Variants in HIPK2 observed in about 807,000 individuals in gnomAD.
HIPK2 encodes homeodomain-interacting protein kinase 2.
In HIPK2, 27 loss-of-function variants were observed where a neutral mutation model predicts 113.7. The observed-to-expected ratio is 0.24, with a 90% CI of 0.17 to 0.33. The LOEUF (loss-of-function observed/expected upper bound fraction) is 0.33. HIPK2 is among the 10% of genes least tolerant of loss of function. The pLI, the probability that HIPK2 is intolerant of heterozygous loss-of-function variation, is 1.00. For synonymous variants in HIPK2, 631 were observed against 642.2 expected (o/e 0.98, Z 0.26); for missense variants, 1,257 against 1,588.0 (o/e 0.79, Z 3.54).
chr7:139,724,849 T>G (rs1376987543), intron 1 of HIPK2, among the ~76,000 whole-genome samples: 1 of 151,984 alleles, frequency 6.6e-6, no homozygotes, highest in Non-Finnish European at 1.5e-5. Context: ...GCAGCACTAT[T>G]CACAATAGCA....
Position 139,563,146 on chromosome 7 carries a change from T to C in HIPK2, c.*9781A>G, listed in dbSNP as rs1797996129. The stretch of plus-strand genomic sequence containing the variant: ...GGGGTGGGGCGGGGCGGGGGTGTGC[T>C]CTCTGTTCCATTTGTTAGTTACAGG... On this transcript the variant is annotated 3_prime_UTR_variant, in exon 15 of 15. Transcript: ENST00000406875. 6.6e-6 allele frequency: 1 copy of C among 152,236 alleles called. No homozygotes were observed. The highest frequency in any genetic ancestry group is 1.5e-5 in the Non-Finnish European group (1 of 68,066). 9.4% of individuals were successfully genotyped at this position (152,236 alleles called of 1,614,324 possible).
intron 2 of HIPK2, among the ~76,000 whole-genome samples, chr7:139,642,646 GAC>G (rs1801067153): frequency 6.6e-6 from 1 of 152,178 alleles, no homozygotes; most frequent in Non-Finnish European, 1.5e-5. Context: ...TTCTTAAAAA[GAC>G]ACACAGCTTC....
At chr7:139,762,416 C>T (rs1796481374) in intron 1 of HIPK2, among the ~76,000 whole-genome samples, 1 of 152,196 alleles carries the variant, frequency 6.6e-6, no homozygotes, top group Non-Finnish European at 1.5e-5. Context: ...GAAAATGTTA[C>T]CAGCAAAGTT....
At chr7:139,576,880 T>A (rs2116493710) in intron 13 of HIPK2, among the ~76,000 whole-genome samples, 2 of 152,300 alleles carry the variant, frequency 1.3e-5, no homozygotes, top group Middle Eastern at 6.8e-3. Flanking sequence ...CCACCCCAGC[T>A]TGGGGAGTTC....
intron 2 of HIPK2, among the ~76,000 whole-genome samples, chr7:139,673,159 GA>G (rs1429033837): frequency 1.3e-5 from 2 of 148,828 alleles, no homozygotes; most frequent in Non-Finnish European, 3.0e-5. Context: ...AATTGTATTT[GA>G]AACCAAAAGA....
intron 2 of HIPK2, among the ~76,000 whole-genome samples, chr7:139,668,126 CAAAAA>C (rs35566561): frequency 1.8e-5 from 1 of 55,654 alleles, no homozygotes; most frequent in Non-Finnish European, 3.7e-5. Context: ...AACTCCATCT[CAAAAA>C]AAAAAAAAAA....
intron 1 of HIPK2, among the ~76,000 whole-genome samples, chr7:139,758,732 C>A (rs546221841): frequency 2.4e-4 from 37 of 152,260 alleles, no homozygotes; most frequent in African/African-American, 8.4e-4. Context: ...ATGGTTTCAT[C>A]CTGAAACCAC....
rs1266749874 is a variant in HIPK2 at position 139,564,460 on chromosome 7, C to G, written c.*8467G>C. ...GGTTATCTGTTCTCAATGACTCTTC[C>G]AAGATGTCAGAGAGAAGGCCTTGAA... On this transcript the variant is annotated 3_prime_UTR_variant, in exon 15 of 15. Transcript: ENST00000406875. The G allele has an allele frequency of 6.6e-6, 1 of 152,268 alleles. No homozygotes were observed. Among genetic ancestry groups the G allele is most frequent in the Non-Finnish European group, 1.5e-5 (1 of 68,108 alleles). 9.4% of individuals were successfully genotyped at this position (152,268 alleles called of 1,614,324 possible).
chr7:139,685,501 A>T (rs1483906748), intron 2 of HIPK2, among the ~76,000 whole-genome samples: 1 of 152,204 alleles, frequency 6.6e-6, no homozygotes, highest in Admixed American at 6.5e-5. Context: ...CGTCTATTGG[A>T]AGAAGATGCC....
Position 139,715,979 on chromosome 7 carries a change from G to A in HIPK2, c.1056C>T (p.His352=), listed in dbSNP as rs751614987. The change falls in exon 2 of 15, where the codon CAC becomes CAT. Residue 352 remains histidine, a synonymous_variant. Coordinates refer to ENST00000406875, the MANE Select transcript of HIPK2 (RefSeq NM_022740.5). The part of the protein sequence containing the change: ...VKVIDFGSAS[H]VSKAVCSTYL... ...AGGTGGAGCACACAGCCTTGGAGAC[G>A]TGGCTGGCTGAACCAAAGTCGATGA... is the stretch of plus-strand genomic sequence containing the variant. 12 of 1,614,002 alleles carry A rather than the reference G, an allele frequency of 7.4e-6. No homozygotes were observed. The highest frequency in any genetic ancestry group is 1.6e-4 in the Middle Eastern group (1 of 6,084).
At chr7:139,715,808 A>G (rs1055446511) in intron 2 of HIPK2, 124 bp downstream of exon 2, 2 of 1,333,600 alleles carry the variant, frequency 1.5e-6, no homozygotes, top group Non-Finnish European at 2.0e-6. Context: ...AAGTACATTA[A>G]GATCACTTGA....
intron 2 of HIPK2, among the ~76,000 whole-genome samples, chr7:139,662,661 C>T (rs946349978): frequency 6.6e-6 from 1 of 150,744 alleles, no homozygotes; most frequent in Non-Finnish European, 1.5e-5. Flanking sequence ...GCTCTGTCAC[C>T]CAGGCTGGAG....
chr7:139,734,798 T>G (rs1182273837), intron 1 of HIPK2, among the ~76,000 whole-genome samples: 2 of 152,234 alleles, frequency 1.3e-5, no homozygotes, highest in Non-Finnish European at 2.9e-5. Flanking sequence ...TTTTAGATTG[T>G]GATTTCTAGA....
chr7:139,755,946 A>AT (rs1796355732), intron 1 of HIPK2, among the ~76,000 whole-genome samples: 1 of 152,266 alleles, frequency 6.6e-6, no homozygotes, highest in South Asian at 2.1e-4. Flanking sequence ...TTTCAGACAA[A>AT]TGTTTTCTTA....
Position 139,760,633 on chromosome 7 carries a change from T to C in HIPK2, c.19+16972A>G, listed in dbSNP as rs73735612. 3.2e-3 allele frequency among the ~76,000 whole-genome samples: 488 copies of C among 152,136 alleles called. 4 individuals carry two copies. The highest frequency in any genetic ancestry group is 0.012 in the African/African-American group (478 of 41,500). On this transcript the variant is annotated intron_variant, in intron 1 of 14. Transcript: ENST00000406875. ...TTACATTTATAGGTTAAAGAAAAAA[T>C]AAAGATTTTTCCATACCAGAAAAAG...
chr7:139,636,551 C>T (rs1182615710), intron 2 of HIPK2, among the ~76,000 whole-genome samples: 2 of 152,022 alleles, frequency 1.3e-5, no homozygotes, highest in Non-Finnish European at 2.9e-5. Context: ...GACATAGATA[C>T]TGACACAGCA....
At chr7:139,711,914 C>G (rs2116921854) in intron 2 of HIPK2, among the ~76,000 whole-genome samples, 1 of 152,376 alleles carries the variant, frequency 6.6e-6, no homozygotes, top group Non-Finnish European at 1.5e-5. Flanking sequence ...GAAAATCCCT[C>G]TGTCCTTCAG....
chr7:139,676,437 G>A (rs902346998), intron 2 of HIPK2, among the ~76,000 whole-genome samples: 1 of 152,184 alleles, frequency 6.6e-6, no homozygotes. Flanking sequence ...CCGCCTCACA[G>A]ATTTCCATCA....
intron 2 of HIPK2, among the ~76,000 whole-genome samples, chr7:139,713,892 G>C (rs543259038): frequency 6.6e-6 from 1 of 152,352 alleles, no homozygotes; most frequent in South Asian, 2.1e-4. Flanking sequence ...ACTCTCTACA[G>C]AGAATATGTG....
Sources: allele counts gnomAD v4.1 joint callset (sites outside exome capture counted in the v4.1 genomes callset), GRCh38; gene constraint gnomAD v4.1.1; transcripts MANE v1.5; gene names NCBI Gene and HGNC (gene_info 2026-07-23, HGNC 2026-07-21).